PDS5B: variants seen among roughly 807,000 people sequenced by gnomAD.
PDS5B encodes the protein PDS5 cohesin associated factor B.
PDS5B carries 51 observed loss-of-function variants against 184.1 expected under a neutral mutation model. The ratio of observed to expected loss-of-function variants is 0.28; its 90% confidence interval spans 0.22 to 0.35. The LOEUF (loss-of-function observed/expected upper bound fraction) is 0.35. PDS5B is among the 10% of genes least tolerant of loss of function. The probability of loss-of-function intolerance (pLI) is 1.00; values close to 1 mark genes in which losing one functional copy is unlikely to be tolerated. For synonymous variants in PDS5B, 566 were observed against 569.2 expected (o/e 0.99, Z 0.08); for missense variants, 1,180 against 1,723.3 (o/e 0.68, Z 5.58).
At chr13:32,747,366 G>A (rs905564863) in intron 24 of PDS5B, among the ~76,000 whole-genome samples, 7 of 151,908 alleles carry the variant, frequency 4.6e-5, no homozygotes, top group Non-Finnish European at 1.0e-4. Context: ...TGCCACTTAT[G>A]TATAACTCTC....
chr13:32,607,101 C>T (rs141492895), intron 1 of PDS5B, among the ~76,000 whole-genome samples: 203 of 152,346 alleles, frequency 1.3e-3, no homozygotes, highest in African/African-American at 4.5e-3. Flanking sequence ...CCATTGCTGG[C>T]GAAGAGCTGT....
At chr13:32,605,669 T>C (rs1039531844) in intron 1 of PDS5B, among the ~76,000 whole-genome samples, 9 of 152,120 alleles carry the variant, frequency 5.9e-5, no homozygotes, top group Non-Finnish European at 1.3e-4. Flanking sequence ...GATAGTGGGG[T>C]GTTAAAGTCT....
At chr13:32,603,251 C>T (rs372942963) in intron 1 of PDS5B, among the ~76,000 whole-genome samples, 27 of 152,206 alleles carry the variant, frequency 1.8e-4, no homozygotes, top group East Asian at 1.4e-3. Context: ...GTCTTTAATC[C>T]GTCTGGAATT....
At chr13:32,720,792 C>T (rs923968063) in intron 19 of PDS5B, among the ~76,000 whole-genome samples, 3 of 151,826 alleles carry the variant, frequency 2.0e-5, no homozygotes, top group African/African-American at 4.8e-5. Flanking sequence ...ACCCTGCGGC[C>T]TTCCGCAGTG....
At chr13:32,764,674 G>A in intron 31 of PDS5B, 80 bp downstream of exon 31, 1 of 687,158 alleles carries the variant, frequency 1.5e-6, no homozygotes, top group Non-Finnish European at 2.3e-6. Flanking sequence ...CAGTTAACAT[G>A]ACTATCAAAT....
intron 18 of PDS5B, among the ~76,000 whole-genome samples, chr13:32,709,486 C>T (rs1029639158): frequency 5.3e-5 from 8 of 151,888 alleles, no homozygotes; most frequent in African/African-American, 1.7e-4. Flanking sequence ...TTCTAATGTT[C>T]GTACCATTGT....
chr13:32,605,327 G>A (rs1363705483), intron 1 of PDS5B, among the ~76,000 whole-genome samples: 6 of 152,142 alleles, frequency 3.9e-5, no homozygotes, highest in Non-Finnish European at 7.4e-5. Flanking sequence ...TTCGTTAAAT[G>A]TACCCAGTAG....
intron 6 of PDS5B, among the ~76,000 whole-genome samples, chr13:32,661,556 AT>A (rs1167192950): frequency 6.6e-6 from 1 of 152,008 alleles, no homozygotes; most frequent in Admixed American, 6.6e-5. Flanking sequence ...GACATATTTA[AT>A]AGTGATTTCA....
In PDS5B at chr13:32,694,309, G is replaced by A. The variant is rs534251845; in HGVS notation, c.1551+5G>A. ...GACTTGATTAAGCAACCCAAAGTAA[G>A]TAAGAATTTTTTCCTTCAATGTTTT... On this transcript the variant is annotated splice_donor_5th_base_variant and intron_variant, in intron 14 of 34. Transcript: ENST00000315596. 6.4e-7 allele frequency: 1 copy of A among 1,570,210 alleles called. No individual in the cohort carries two copies. The highest frequency in any genetic ancestry group is 1.4e-5 in the African/African-American group (1 of 72,714).
In PDS5B at chr13:32,730,200, G is replaced by A. The variant is rs937469766; in HGVS notation, c.2124-1901G>A. 1.4e-4 allele frequency among the ~76,000 whole-genome samples: 22 copies of A among 152,210 alleles called. 1 individual carries two copies. Among genetic ancestry groups the A allele is most frequent in the Middle Eastern group, 6.8e-3 (2 of 294 alleles). On this transcript the variant is annotated intron_variant, in intron 19 of 34. Transcript: ENST00000315596. The stretch of plus-strand genomic sequence containing the variant: ...TTTCCCAGCAACCTTTATTAAATAC[G>A]GAATCCTTTCCCCATTGCTTGTTTT...
At chr13:32,605,422 C>T (rs1593249838) in intron 1 of PDS5B, among the ~76,000 whole-genome samples, 2 of 152,222 alleles carry the variant, frequency 1.3e-5, no homozygotes, top group East Asian at 3.8e-4. Context: ...CTTGATTGCA[C>T]TGTGCTCTGA....
intron 15 of PDS5B, among the ~76,000 whole-genome samples, chr13:32,699,364 T>C (rs993765982): frequency 5.3e-5 from 8 of 152,180 alleles, no homozygotes; most frequent in African/African-American, 1.9e-4. Context: ...TAAAACTTAG[T>C]GATTAATCTC....
At position 32,678,824 on chromosome 13, in the gene PDS5B, T is replaced by C; in HGVS notation, c.963-11T>C. ...TTTTGAAGCTCACTCTGTGCTTTTA[T>C]ATTTTATCAGGTTTAATGATATCCA... is the stretch of plus-strand genomic sequence containing the variant. On this transcript the variant is annotated splice_polypyrimidine_tract_variant and intron_variant, in intron 9 of 34. Transcript: ENST00000315596. The C allele has an allele frequency of 6.8e-7, 1 of 1,466,132 alleles. No homozygotes were observed. The highest frequency in any genetic ancestry group is 9.6e-7 in the Non-Finnish European group (1 of 1,045,620). 90.8% of individuals were successfully genotyped at this position (1,466,132 alleles called of 1,614,324 possible).
chr13:32,735,823 T>A (rs959844496), intron 21 of PDS5B, among the ~76,000 whole-genome samples: 4 of 152,148 alleles, frequency 2.6e-5, no homozygotes, highest in African/African-American at 9.6e-5. Context: ...CTCTGGAGAA[T>A]TAAAAGAAAC....
chr13:32,714,439 G>A (rs1044105931), intron 19 of PDS5B, among the ~76,000 whole-genome samples: 5 of 152,214 alleles, frequency 3.3e-5, no homozygotes, highest in South Asian at 4.1e-4. Flanking sequence ...GAGATCAACC[G>A]GTCTGACCAA....
intron 24 of PDS5B, among the ~76,000 whole-genome samples, chr13:32,747,665 C>G (rs1200231833): frequency 1.3e-5 from 2 of 151,354 alleles, no homozygotes; most frequent in African/African-American, 4.9e-5. Context: ...TGGAGATAAT[C>G]TTAAAAGAAA....
intron 6 of PDS5B, among the ~76,000 whole-genome samples, chr13:32,667,309 A>G (rs1343846295): frequency 6.6e-6 from 1 of 152,104 alleles, no homozygotes; most frequent in African/African-American, 2.4e-5. Context: ...TGTTTGAGTA[A>G]TCTGCTTTTT....
At chr13:32,697,447 TC>T (rs1951738973) in intron 15 of PDS5B, among the ~76,000 whole-genome samples, 1 of 152,166 alleles carries the variant, frequency 6.6e-6, no homozygotes, top group African/African-American at 2.4e-5. Flanking sequence ...GAGGAATACT[TC>T]TGCTGAACTT....
rs955044866 is a variant in PDS5B, at chr13:32,734,558, G to A, written c.2248-614G>A. Among the ~76,000 whole-genome samples the A allele has an allele frequency of 3.3e-5, 5 of 152,292 alleles. No individual in the cohort carries two copies. In the East Asian group the frequency reaches 9.6e-4, roughly 29 times the overall value. ...CTTGCTTCTGAAAAGTCTAGTGGGT[G>A]TTTGAATGACCCTCTAATCAGTGGC... is the stretch of plus-strand genomic sequence containing the variant. On this transcript the variant is annotated intron_variant, in intron 20 of 34. Transcript: ENST00000315596.
Sources: gnomAD v4.1 joint callset for allele counts (sites outside exome capture counted in the v4.1 genomes callset) on GRCh38, gnomAD v4.1.1 for gene constraint, MANE v1.5 for transcripts, NCBI Gene and HGNC (gene_info 2026-07-23, HGNC 2026-07-21) for gene names.